The following SV2B variants were observed in gnomAD, a reference collection of about 807,000 sequenced individuals.
SV2B encodes the protein solute carrier family 22 member B2.
In SV2B, 41 loss-of-function variants were observed where a neutral mutation model predicts 73.9. The ratio of observed to expected loss-of-function variants is 0.56; its 90% confidence interval spans 0.43 to 0.72. The LOEUF is 0.72. Ranked by LOEUF, SV2B falls within the 30% of genes least tolerant of loss-of-function variation. SV2B has a pLI of 0.00. For missense variants in SV2B, 764 were observed against 857.8 expected (o/e 0.89, Z 1.37); for synonymous variants, 314 against 314.2 (o/e 1.00, Z 0.01).
chr15:91,155,526 C>A (rs2141230824), intron 1 of SV2B, among the ~76,000 whole-genome samples: 1 of 152,278 alleles, frequency 6.6e-6, no homozygotes, highest in East Asian at 1.9e-4. Flanking sequence ...TCTTCTGGAC[C>A]CCAAGATGCA....
intron 1 of SV2B, among the ~76,000 whole-genome samples, chr15:91,103,621 G>C (rs1245122279): frequency 6.6e-6 from 1 of 152,140 alleles, no homozygotes; most frequent in Non-Finnish European, 1.5e-5. Flanking sequence ...AACATGGTTT[G>C]GGCATTTGAG....
chr15:91,213,763 G>C (rs2045939413), intron 1 of SV2B, among the ~76,000 whole-genome samples: 1 of 152,090 alleles, frequency 6.6e-6, no homozygotes, highest in Non-Finnish European at 1.5e-5. Flanking sequence ...TATAAAAAAA[G>C]ACAGTAAAAA....
intron 1 of SV2B, among the ~76,000 whole-genome samples, chr15:91,143,464 G>A (rs924690282): frequency 2.6e-5 from 4 of 152,068 alleles, no homozygotes; most frequent in Non-Finnish European, 2.9e-5. Context: ...AGTTTGTCAC[G>A]AAATATCTCA....
Position 91,240,835 on chromosome 15 carries a change from A to G in SV2B, c.452-10984A>G, listed in dbSNP as rs1410360572. 6.6e-6 allele frequency among the ~76,000 whole-genome samples: 1 copy of G among 152,136 alleles called. No individual in the cohort carries two copies. Among genetic ancestry groups the G allele is most frequent in the African/African-American group, 2.4e-5 (1 of 41,404 alleles). On this transcript the variant is annotated intron_variant, in intron 2 of 12. Coordinates refer to ENST00000394232, the MANE Select transcript of SV2B (RefSeq NM_001323032.3). The surrounding 1 kb of genome is among the most constrained non-coding windows in gnomAD (Gnocchi z 4.6). ...CCCTTCTCCTCTGAGGATGTTAATTAGCCCTGCAGCCTCAGATGAGTGCTC... is the reference window on the plus strand; with the variant it reads ...CCCTTCTCCTCTGAGGATGTTAATTGGCCCTGCAGCCTCAGATGAGTGCTC...
At chr15:91,221,684 A>G (rs1323970251) in intron 1 of SV2B, among the ~76,000 whole-genome samples, 1 of 73,764 alleles carries the variant, frequency 1.4e-5, no homozygotes, top group African/African-American at 1.3e-4. Context: ...ACTATTACCA[A>G]GCATGTGCGC....
intron 12 of SV2B, 96 bp from the exon 13 acceptor site, chr15:91,292,273 A>T (rs2049067880): frequency 3.1e-6 from 4 of 1,278,366 alleles, no homozygotes; most frequent in African/African-American, 3.0e-5. Flanking sequence ...ACTCCCTTGC[A>T]CCCTCTTCCC....
rs2047003964 is a variant in SV2B, at chr15:91,241,325, C to T, written c.452-10494C>T. ...CTGTGTTCCCCACCCCTGGTTGCAT[C>T]CGACTTTTCCTCCATCTGTCCCTAA... On this transcript the variant is annotated intron_variant, in intron 2 of 12. Transcript: ENST00000394232. This position sits in a 1 kb window ranked among gnomAD's most constrained non-coding sequence, Gnocchi z 4.8. Among the ~76,000 whole-genome samples the T allele has an allele frequency of 1.3e-5, 2 of 152,128 alleles. No individual in the cohort carries two copies. The highest frequency in any genetic ancestry group is 4.1e-4 in the South Asian group (2 of 4,820).
intron 9 of SV2B, among the ~76,000 whole-genome samples, chr15:91,277,238 A>G (rs1206773661): frequency 6.6e-6 from 1 of 152,212 alleles, no homozygotes; most frequent in East Asian, 1.9e-4. Flanking sequence ...TTTTAACAGT[A>G]TGTGGGGAGG....
intron 1 of SV2B, among the ~76,000 whole-genome samples, chr15:91,104,989 C>T (rs184751734): frequency 6.6e-6 from 1 of 152,284 alleles, no homozygotes; most frequent in East Asian, 1.9e-4. Flanking sequence ...GGACTCTGCT[C>T]GAATGGGCAG....
rs554564713 is a variant in SV2B at position 91,180,766 on chromosome 15, G to C, written c.-391-45107G>C. Among the ~76,000 whole-genome samples the C allele has an allele frequency of 3.1e-3, 472 of 152,262 alleles. 2 individuals are homozygous for C. Among genetic ancestry groups the C allele is most frequent in the African/African-American group, 0.011 (441 of 41,562 alleles). ...CATCAGCTCCTTTAAGCACTTCTCT[G>C]TATTGGTGATTCTAGTTATACATTC... On this transcript the variant is annotated intron_variant, in intron 1 of 12. Coordinates refer to ENST00000394232, the MANE Select transcript of SV2B (RefSeq NM_001323032.3).
chr15:91,144,701 A>T (rs1417709042), intron 1 of SV2B, among the ~76,000 whole-genome samples: 3 of 152,208 alleles, frequency 2.0e-5, no homozygotes, highest in Non-Finnish European at 2.9e-5. Context: ...TCAGAAGAGG[A>T]CACGGGATAG....
chr15:91,300,833 A>G lies in SV2B; in HGVS notation c.*8281A>G, dbSNP rs1246413843. 1.3e-5 allele frequency: 2 copies of G among 152,182 alleles called. No homozygotes were observed. The highest frequency in any genetic ancestry group is 4.8e-5 in the African/African-American group (2 of 41,424). 9.4% of individuals were successfully genotyped at this position (152,182 alleles called of 1,614,324 possible). A position where few individuals can be genotyped will look rare whatever the true frequency, so the allele number is the denominator to read the frequency against. On this transcript the variant is annotated 3_prime_UTR_variant, in exon 13 of 13. Transcript: ENST00000394232. ...CCTAAGAGCAAAGTCAGTTAATACAATTTCTCCAGGTATCCAGCTATCTCC... is the reference window on the plus strand; with the variant it reads ...CCTAAGAGCAAAGTCAGTTAATACAGTTTCTCCAGGTATCCAGCTATCTCC...
chr15:91,248,246 G>A (rs1031169472), intron 2 of SV2B, among the ~76,000 whole-genome samples: 4 of 152,116 alleles, frequency 2.6e-5, no homozygotes, highest in African/African-American at 4.8e-5. Flanking sequence ...GCGTGAACCC[G>A]GGAGGCGGAG....
At chr15:91,204,134 GGC>G (rs1298612806) in intron 1 of SV2B, among the ~76,000 whole-genome samples, 1 of 152,146 alleles carries the variant, frequency 6.6e-6, no homozygotes, top group Non-Finnish European at 1.5e-5. Context: ...AGTTTACCCT[GGC>G]TCTGGTAGGG....
At position 91,281,669 on chromosome 15, in the gene SV2B, TG is replaced by T; in HGVS notation, c.1374-57del. 1 of 1,508,028 alleles carries T rather than the reference TG, an allele frequency of 6.6e-7. No homozygotes were observed. Among genetic ancestry groups the T allele is most frequent in the Non-Finnish European group, 8.9e-7 (1 of 1,121,158 alleles). 93.4% of individuals were successfully genotyped at this position (1,508,028 alleles called of 1,614,324 possible). A position where few individuals can be genotyped will look rare whatever the true frequency, so the allele number is the denominator to read the frequency against. On this transcript the variant is annotated intron_variant, in intron 9 of 12. Transcript: ENST00000394232. This position sits in a 1 kb window ranked among gnomAD's most constrained non-coding sequence, Gnocchi z 4.7. Reference sequence around the variant, plus strand: ...TTCTGCCTTGCTGTGTTTTCCATTTTGGTCTTAAGTCTCTTTTTTTCTCAGA... The same window carrying T: ...TTCTGCCTTGCTGTGTTTTCCATTTTGTCTTAAGTCTCTTTTTTTCTCAGA...
At chr15:91,275,676 AT>A (rs2048461672) in intron 9 of SV2B, among the ~76,000 whole-genome samples, 1 of 152,116 alleles carries the variant, frequency 6.6e-6, no homozygotes, top group Non-Finnish European at 1.5e-5. Flanking sequence ...AATACAAAAA[AT>A]TAGTCAGGCA....
At position 91,268,931 on chromosome 15, in the gene SV2B, G is replaced by C. The variant is rs1012621239; in HGVS notation, c.1373+326G>C. Reference sequence around the variant, plus strand: ...GTGGCTGCCCAGAGAAAGGGCCTAGGGCTCTTACTGCTGAGATTCCCGAAC... The same window carrying C: ...GTGGCTGCCCAGAGAAAGGGCCTAGCGCTCTTACTGCTGAGATTCCCGAAC... On this transcript the variant is annotated intron_variant, in intron 9 of 12. Transcript: ENST00000394232. This position sits in a 1 kb window ranked among gnomAD's most constrained non-coding sequence, Gnocchi z 4.4. Among the ~76,000 whole-genome samples the C allele has an allele frequency of 3.3e-5, 5 of 152,130 alleles. No homozygotes were observed. The highest frequency in any genetic ancestry group is 9.7e-5 in the African/African-American group (4 of 41,414).
Position 91,280,140 on chromosome 15 carries a change from G to A in SV2B, c.1374-1588G>A, listed in dbSNP as rs1331064931. Among the ~76,000 whole-genome samples, 2 of 152,180 alleles carry A rather than the reference G, an allele frequency of 1.3e-5. No individual in the cohort carries two copies. The highest frequency in any genetic ancestry group is 4.8e-5 in the African/African-American group (2 of 41,420). Reference sequence around the variant, plus strand: ...GCAAGTGGTCTGGGGTCCTGCTTTTGGTGAACACTTGCCCGGGACTTCTTG... The same window carrying A: ...GCAAGTGGTCTGGGGTCCTGCTTTTAGTGAACACTTGCCCGGGACTTCTTG... On this transcript the variant is annotated intron_variant, in intron 9 of 12. Coordinates refer to ENST00000394232, the MANE Select transcript of SV2B (RefSeq NM_001323032.3). The surrounding 1 kb of genome is among the most constrained non-coding windows in gnomAD (Gnocchi z 5.8).
chr15:91,222,101 C>T (rs938030925), intron 1 of SV2B, among the ~76,000 whole-genome samples: 1 of 152,180 alleles, frequency 6.6e-6, no homozygotes, highest in Non-Finnish European at 1.5e-5. Context: ...TCTCTGAGCC[C>T]TTTCCTGCCT....
Sources: gnomAD v4.1 joint callset for allele counts (sites outside exome capture counted in the v4.1 genomes callset) on GRCh38, gnomAD v4.1.1 for gene constraint, Gnocchi (gnomAD v3.1) non-coding constraint, MANE v1.5 for transcripts, NCBI Gene and HGNC (gene_info 2026-07-23, HGNC 2026-07-21) for gene names.